DAB2IP: variants seen among roughly 807,000 people sequenced by gnomAD.
The protein encoded by DAB2IP is DAB2 interacting protein, also known as disabled homolog 2-interacting protein.
A neutral mutation model predicts 107.2 loss-of-function variants in DAB2IP; 28 were observed. The ratio of observed to expected loss-of-function variants is 0.26; its 90% confidence interval spans 0.19 to 0.36. DAB2IP has a LOEUF of 0.36. Ranked by LOEUF, DAB2IP falls within the 10% of genes least tolerant of loss-of-function variation. The probability of loss-of-function intolerance (pLI) is 1.00; values close to 1 mark genes in which losing one functional copy is unlikely to be tolerated. For synonymous variants in DAB2IP, 755 were observed against 706.4 expected (o/e 1.07, Z -1.09); for missense variants, 1,400 against 1,644.7 (o/e 0.85, Z 2.57).
At chr9:121,661,785 C>T (rs1416370268) in intron 1 of DAB2IP, among the ~76,000 whole-genome samples, 6 of 152,178 alleles carry the variant, frequency 3.9e-5, no homozygotes, top group Admixed American at 3.9e-4. Context: ...AAGCTTGAGA[C>T]CAGCCTGGGC....
At chr9:121,601,931 TG>T (rs879551920) in intron 1 of DAB2IP, among the ~76,000 whole-genome samples, 1 of 151,974 alleles carries the variant, frequency 6.6e-6, no homozygotes, top group African/African-American at 2.4e-5. Flanking sequence ...CTCCTGGGAC[TG>T]GTGTGTGCCA....
intron 1 of DAB2IP, among the ~76,000 whole-genome samples, chr9:121,670,264 T>C (rs72764058): frequency 0.036 from 5,531 of 152,332 alleles, 146 homozygotes; most frequent in South Asian, 0.084. Flanking sequence ...TGTTTCTTTT[T>C]TAGGGCTAAG....
chr9:121,624,912 G>A (rs772882409), intron 1 of DAB2IP, among the ~76,000 whole-genome samples: 6 of 152,186 alleles, frequency 3.9e-5, no homozygotes, highest in Non-Finnish European at 8.8e-5. Context: ...ATTCATTTCT[G>A]TTGTGGGGAT....
intron 1 of DAB2IP, among the ~76,000 whole-genome samples, chr9:121,602,203 T>C (rs1589392653): frequency 6.6e-6 from 1 of 152,188 alleles, no homozygotes; most frequent in African/African-American, 2.4e-5. Flanking sequence ...TCTAGGGCTT[T>C]CTCCCAACTT....
chr9:121,611,958 C>T (rs1000246918), intron 1 of DAB2IP, among the ~76,000 whole-genome samples: 3 of 152,284 alleles, frequency 2.0e-5, no homozygotes, highest in South Asian at 4.1e-4. Flanking sequence ...ATAAATGCTG[C>T]AGTTTTGTTA....
At chr9:121,722,623 CCA>C (rs1831004644) in intron 3 of DAB2IP, among the ~76,000 whole-genome samples, 1 of 152,058 alleles carries the variant, frequency 6.6e-6, no homozygotes, top group South Asian at 2.1e-4. Context: ...GAGTAGACAG[CCA>C]CACAGACAGC....
In DAB2IP at chr9:121,684,278, C is replaced by T. The variant is rs997733565; in HGVS notation, c.228+5497C>T. On this transcript the variant is annotated intron_variant, in intron 2 of 15. Transcript: ENST00000408936. The surrounding 1 kb of genome is among the most constrained non-coding windows in gnomAD (Gnocchi z 4.0). Reference sequence around the variant, plus strand: ...CAGAGGAGGGACTGAGAATCATAGACGGGAGGGTCCTTTCCTGAGGTCACA... The same window carrying T: ...CAGAGGAGGGACTGAGAATCATAGATGGGAGGGTCCTTTCCTGAGGTCACA... Among the ~76,000 whole-genome samples, 1 of 152,150 alleles carries T rather than the reference C, an allele frequency of 6.6e-6. No homozygotes were observed. Among genetic ancestry groups the T allele is most frequent in the Non-Finnish European group, 1.5e-5 (1 of 68,028 alleles).
chr9:121,674,029 C>T (rs1029836209), intron 1 of DAB2IP, among the ~76,000 whole-genome samples: 1 of 152,212 alleles, frequency 6.6e-6, no homozygotes, highest in East Asian at 1.9e-4. Context: ...GGGCAGGCCT[C>T]GGGAACCACG....
chr9:121,760,045 A>G lies in DAB2IP; in HGVS notation c.776A>G (p.His259Arg), dbSNP rs749814418. The stretch of plus-strand genomic sequence containing the variant: ...ACGGACAATGTTTTCTGGGGCGAGC[A>G]CTTCGAGTTCCACAACTTGCCGCCT... The change falls in exon 6 of 16, where the codon CAC (histidine) becomes CGC (arginine). Residue 259 changes from histidine (H) to arginine (R), a missense_variant. His to Arg is a conservative substitution (Grantham distance 29). This residue lies in a region of DAB2IP where 517 missense variants were observed against 748.6 expected (regional missense o/e 0.69). Transcript: ENST00000408936. The surrounding 1 kb of genome is among the most constrained non-coding windows in gnomAD (Gnocchi z 5.9). The G allele has an allele frequency of 2.5e-6, 4 of 1,614,106 alleles. No individual in the cohort carries two copies. Among genetic ancestry groups the G allele is most frequent in the South Asian group, 1.1e-5 (1 of 91,080 alleles).
chr9:121,641,794 GCCTA>G (rs1196486600), intron 1 of DAB2IP, among the ~76,000 whole-genome samples: 1 of 142,368 alleles, frequency 7.0e-6, no homozygotes, highest in African/African-American at 2.5e-5. Context: ...CTGCCTGCCT[GCCTA>G]CCTTCCTTCT....
upstream of DAB2IP, among the ~76,000 whole-genome samples, chr9:121,649,158 G>A (rs2119054287): frequency 6.6e-6 from 1 of 152,274 alleles, no homozygotes; most frequent in African/African-American, 2.4e-5. Context: ...CGGCTCAGCT[G>A]GTTGGCGATG....
At chr9:121,691,016 T>A (rs1829134277) in intron 2 of DAB2IP, among the ~76,000 whole-genome samples, 2 of 152,180 alleles carry the variant, frequency 1.3e-5, no homozygotes, top group Non-Finnish European at 2.9e-5. Flanking sequence ...ACCTTCAATG[T>A]TTCTAAAATG....
chr9:121,653,798 T>C (rs1832861912), intron 1 of DAB2IP, among the ~76,000 whole-genome samples: 1 of 152,168 alleles, frequency 6.6e-6, no homozygotes, highest in Non-Finnish European at 1.5e-5. Context: ...GGCTGTCACC[T>C]GAGCCCCAGC....
chr9:121,617,314 ACT>A (rs944961777), intron 1 of DAB2IP, among the ~76,000 whole-genome samples: 7 of 152,200 alleles, frequency 4.6e-5, no homozygotes, highest in African/African-American at 1.2e-4. Context: ...ACAGAGCAAG[ACT>A]CTGTCTCAAA....
At chr9:121,655,713 TGCCTATACCCATA>T (rs1271194305) in intron 1 of DAB2IP, among the ~76,000 whole-genome samples, 1 of 152,164 alleles carries the variant, frequency 6.6e-6, no homozygotes, top group Admixed American at 6.5e-5. Context: ...CCTCTTGGAA[TGCCTATACCCATA>T]GCCATGAGGG....
chr9:121,709,215 C>A (rs1490442536), intron 3 of DAB2IP, among the ~76,000 whole-genome samples: 26 of 152,220 alleles, frequency 1.7e-4, no homozygotes, highest in Non-Finnish European at 1.2e-4. Flanking sequence ...AGGGCTGGCC[C>A]AGTCTTTCCT....
chr9:121,708,493 T>C (rs1382934986), intron 3 of DAB2IP, among the ~76,000 whole-genome samples: 2 of 152,204 alleles, frequency 1.3e-5, no homozygotes, highest in African/African-American at 4.8e-5. Flanking sequence ...CTGAGGGTGC[T>C]TGGAACAGTC....
At chr9:121,761,464 T>A (rs541462338) in intron 6 of DAB2IP, among the ~76,000 whole-genome samples, 36 of 152,268 alleles carry the variant, frequency 2.4e-4, no homozygotes, top group Admixed American at 6.5e-4. Context: ...TTGGGAGCCA[T>A]ACCCCAGGGC....
At chr9:121,630,195 C>T (rs1564121615) in intron 1 of DAB2IP, among the ~76,000 whole-genome samples, 1 of 152,134 alleles carries the variant, frequency 6.6e-6, no homozygotes, top group Non-Finnish European at 1.5e-5. Context: ...CACCGTACTT[C>T]AAAATTACAA....
Sources: gnomAD v4.1 joint callset for allele counts (sites outside exome capture counted in the v4.1 genomes callset) on GRCh38, gnomAD v4.1.1 for gene constraint, gnomAD v4.1.1 regional missense constraint, Gnocchi (gnomAD v3.1) non-coding constraint, MANE v1.5 for transcripts, NCBI Gene and HGNC (gene_info 2026-07-23, HGNC 2026-07-21) for gene names.